The following ACOT7 variants were observed in gnomAD, a reference collection of about 807,000 sequenced individuals.
The protein encoded by ACOT7 is acyl-CoA thioesterase 7.
In ACOT7, 12 loss-of-function variants were observed where a neutral mutation model predicts 40.2. The observed-to-expected ratio is 0.30, with a 90% CI of 0.19 to 0.48. ACOT7 has a LOEUF of 0.48. Ranked by LOEUF, ACOT7 falls within the 20% of genes least tolerant of loss-of-function variation. ACOT7 has a pLI of 0.99. For synonymous variants in ACOT7, 228 were observed against 219.5 expected, an observed-to-expected ratio of 1.04 and a Z score of -0.34; for missense variants, 395 against 530.8, an observed-to-expected ratio of 0.74 and a Z score of 2.51.
intron 8 of ACOT7, among the ~76,000 whole-genome samples, chr1:6,269,637 C>T (rs1638967743): frequency 6.6e-6 from 1 of 152,246 alleles, no homozygotes; most frequent in Admixed American, 6.5e-5. Context: ...CCCAAGGCGG[C>T]TCTGATGTGG....
chr1:6,349,917 G>A, intron 1 of ACOT7, 51 bp from the exon 2 acceptor site: 1 of 1,565,628 alleles, frequency 6.4e-7, no homozygotes, highest in Non-Finnish European at 8.8e-7. Flanking sequence ...TGCCATTTGT[G>A]CAACAGTGAC....
intron 1 of ACOT7, among the ~76,000 whole-genome samples, chr1:6,370,336 G>T (rs1642104691): frequency 6.6e-6 from 1 of 151,970 alleles, no homozygotes; most frequent in Non-Finnish European, 1.5e-5. Flanking sequence ...CCAGCTTCGG[G>T]CATTCCTTTA....
intron 1 of ACOT7, among the ~76,000 whole-genome samples, chr1:6,388,715 G>T (rs1398690321): frequency 1.5e-5 from 2 of 137,590 alleles, no homozygotes; most frequent in African/African-American, 2.8e-5. Flanking sequence ...ACTCCAGCCT[G>T]GGTGACAGAG....
intron 4 of ACOT7, among the ~76,000 whole-genome samples, chr1:6,329,787 G>T (rs752085462): frequency 1.3e-5 from 2 of 151,832 alleles, no homozygotes; most frequent in Non-Finnish European, 2.9e-5. Context: ...GAACCTCTTC[G>T]CTAGAGCACA....
At chr1:6,393,043 G>T in intron 1 of ACOT7, among the ~76,000 whole-genome samples, 1 of 151,806 alleles carries the variant, frequency 6.6e-6, no homozygotes, top group South Asian at 2.1e-4. Flanking sequence ...AGGAGGAGCC[G>T]GCTGGAGGCG....
rs919860912 is a variant in ACOT7 at position 6,318,575 on chromosome 1, G to A, written c.629C>T (p.Pro210Leu). ...GGACTGGCTGTAGCTGACAGTGTTC[G>A]GCTCTGGAATTGCAAAAGAGAGAGA... is the stretch of plus-strand genomic sequence containing the variant. ...DIVQPVLNPE[P>L]NTVSYSQSSL... Residue 210 changes from proline (P) to leucine (L), a missense_variant, in exon 6 of 9, where the codon CCG becomes CTG. Pro to Leu is a moderately conservative substitution (Grantham distance 98). Coordinates refer to ENST00000361521, the MANE Select transcript of ACOT7 (RefSeq NM_007274.4). The A allele has an allele frequency of 1.9e-6, 3 of 1,613,832 alleles. No individual in the cohort carries two copies. Among genetic ancestry groups the A allele is most frequent in the African/African-American group, 1.3e-5 (1 of 74,936 alleles).
chr1:6,340,616 T>C (rs141030726), intron 2 of ACOT7, among the ~76,000 whole-genome samples: 25 of 152,354 alleles, frequency 1.6e-4, no homozygotes, highest in African/African-American at 6.0e-4. Flanking sequence ...TCTGCCTGGC[T>C]CGTTTCACAG....
intron 8 of ACOT7, among the ~76,000 whole-genome samples, chr1:6,267,587 A>C (rs145465606): frequency 2.8e-4 from 42 of 152,336 alleles, no homozygotes; most frequent in African/African-American, 1.0e-3. Flanking sequence ...CTATGCACTA[A>C]ATGGCCTCTT....
chr1:6,369,874 T>C (rs555563225), intron 1 of ACOT7, among the ~76,000 whole-genome samples: 13 of 152,310 alleles, frequency 8.5e-5, no homozygotes, highest in African/African-American at 2.9e-4. Context: ...AATGCATTTC[T>C]TAAACAATAC....
Position 6,270,100 on chromosome 1 carries a change from A to T in ACOT7, c.1015-5405T>A, listed in dbSNP as rs1236976461. On this transcript the variant is annotated intron_variant, in intron 8 of 8. Coordinates refer to ENST00000361521, the MANE Select transcript of ACOT7 (RefSeq NM_007274.4). The stretch of plus-strand genomic sequence containing the variant: ...GGTGGGCAGCCAGCCTCCCCAGGTC[A>T]TGGCTTTGCTAAATAGTTCTCCTAC... Among the ~76,000 whole-genome samples, 3 of 152,302 alleles carry T rather than the reference A, an allele frequency of 2.0e-5. No individual in the cohort carries two copies. In the East Asian group the frequency reaches 5.8e-4, roughly 29 times the overall value.
intron 8 of ACOT7, among the ~76,000 whole-genome samples, chr1:6,276,013 G>A (rs1025010422): frequency 1.3e-5 from 2 of 152,154 alleles, no homozygotes; most frequent in African/African-American, 2.4e-5. Flanking sequence ...GGGTCACGGC[G>A]CTCACTCAGC....
intron 4 of ACOT7, among the ~76,000 whole-genome samples, chr1:6,331,925 C>T (rs1640963581): frequency 6.6e-6 from 1 of 152,150 alleles, no homozygotes; most frequent in African/African-American, 2.4e-5. Context: ...AGGAGCACCT[C>T]CCCAGTCTCA....
intron 1 of ACOT7, among the ~76,000 whole-genome samples, chr1:6,365,023 CAA>C (rs200329900): frequency 1.8e-4 from 26 of 140,804 alleles, no homozygotes; most frequent in African/African-American, 6.7e-4. Context: ...GACTCCGTCT[CAA>C]AAAAAAAAAG....
intron 6 of ACOT7, among the ~76,000 whole-genome samples, chr1:6,309,022 C>A (rs1010998403): frequency 6.6e-6 from 1 of 152,254 alleles, no homozygotes; most frequent in Non-Finnish European, 1.5e-5. Flanking sequence ...ACCGCCAAGG[C>A]CGATCAACAG....
chr1:6,289,897 C>G lies in ACOT7; in HGVS notation c.829+4967G>C, dbSNP rs992743799. Among the ~76,000 whole-genome samples the G allele has an allele frequency of 1.2e-4, 19 of 152,192 alleles. No individual in the cohort carries two copies. Among genetic ancestry groups the G allele is most frequent in the African/African-American group, 4.3e-4 (18 of 41,440 alleles). On this transcript the variant is annotated intron_variant, in intron 7 of 8. Transcript: ENST00000361521. This position sits in a 1 kb window ranked among gnomAD's most constrained non-coding sequence, Gnocchi z 4.6. Reference sequence around the variant, plus strand: ...GAAAACCCCCTTCCACCTGCTAAGACAGAATAATGTGCTCCCAAAAGATGC... The same window carrying G: ...GAAAACCCCCTTCCACCTGCTAAGAGAGAATAATGTGCTCCCAAAAGATGC...
At chr1:6,375,475 C>T (rs1642211247) in intron 1 of ACOT7, among the ~76,000 whole-genome samples, 1 of 151,634 alleles carries the variant, frequency 6.6e-6, no homozygotes, top group Non-Finnish European at 1.5e-5. Flanking sequence ...AGAGACCAGT[C>T]TGGCCAACGT....
intron 8 of ACOT7, among the ~76,000 whole-genome samples, chr1:6,269,611 G>C (rs922613474): frequency 6.6e-6 from 1 of 152,242 alleles, no homozygotes; most frequent in Admixed American, 6.5e-5. Context: ...GGAGAATCTG[G>C]TGCCCAGCAA....
At position 6,288,300 on chromosome 1, in the gene ACOT7, TC is replaced by T. The variant is rs1467698490; in HGVS notation, c.829+6563del. ...CACGCGCCTTTGGTGGGTGGGCACTTCCCATTTCCCATGAGATCCAGTCGCA... is the reference window on the plus strand; with the variant it reads ...CACGCGCCTTTGGTGGGTGGGCACTTCCATTTCCCATGAGATCCAGTCGCA... On this transcript the variant is annotated intron_variant, in intron 7 of 8. Coordinates refer to ENST00000361521, the MANE Select transcript of ACOT7 (RefSeq NM_007274.4). The surrounding 1 kb of genome is among the most constrained non-coding windows in gnomAD (Gnocchi z 4.3). Among the ~76,000 whole-genome samples, 1 of 152,212 alleles carries T rather than the reference TC, an allele frequency of 6.6e-6. No homozygotes were observed. The highest frequency in any genetic ancestry group is 1.5e-5 in the Non-Finnish European group (1 of 68,038).
At chr1:6,277,715 A>G (rs1345625453) in intron 8 of ACOT7, among the ~76,000 whole-genome samples, 1 of 152,196 alleles carries the variant, frequency 6.6e-6, no homozygotes, top group Non-Finnish European at 1.5e-5. Flanking sequence ...GGGAAGGAAC[A>G]TATTTAAAAT....
Sources: allele counts gnomAD v4.1 joint callset (sites outside exome capture counted in the v4.1 genomes callset), GRCh38; gene constraint gnomAD v4.1.1; non-coding constraint Gnocchi (gnomAD v3.1); transcripts MANE v1.5; gene names NCBI Gene and HGNC (gene_info 2026-07-23, HGNC 2026-07-21).